FOXP2: variants seen among roughly 807,000 people sequenced by gnomAD.
FOXP2 encodes forkhead box P2.
A neutral mutation model predicts 115.8 loss-of-function variants in FOXP2; 12 were observed. The observed-to-expected ratio is 0.10, with a 90% CI of 0.07 to 0.17. The LOEUF (loss-of-function observed/expected upper bound fraction) is 0.17. FOXP2 is among the 10% of genes least tolerant of loss of function. The pLI, the probability that FOXP2 is intolerant of heterozygous loss-of-function variation, is 1.00. For synonymous variants in FOXP2, 328 were observed against 297.7 expected (o/e 1.10, Z -1.05); for missense variants, 629 against 843.5 (o/e 0.75, Z 3.15).
chr7:114,446,726 T>C (rs1160780534), intron 2 of FOXP2, among the ~76,000 whole-genome samples: 1 of 151,500 alleles, frequency 6.6e-6, no homozygotes, highest in Non-Finnish European at 1.5e-5. Flanking sequence ...ATGTTTTTGG[T>C]TTATCTCTAT....
At chr7:114,675,835 G>T (rs55862713) in intron 16 of FOXP2, among the ~76,000 whole-genome samples, 10,163 of 151,772 alleles carry the variant, frequency 0.067, 367 homozygotes, top group South Asian at 0.096. Flanking sequence ...TTAACACTTA[G>T]GACATAACAG....
At chr7:114,273,960 A>G (rs1432483649) in intron 1 of FOXP2, among the ~76,000 whole-genome samples, 1 of 151,870 alleles carries the variant, frequency 6.6e-6, no homozygotes, top group Non-Finnish European at 1.5e-5. Context: ...TACCATATTT[A>G]TTACAGTTTT....
intron 2 of FOXP2, among the ~76,000 whole-genome samples, chr7:114,468,643 C>G (rs1370285029): frequency 6.6e-6 from 1 of 152,116 alleles, no homozygotes; most frequent in Non-Finnish European, 1.5e-5. Flanking sequence ...AAATCTCAAT[C>G]ATTCCCTCTT....
At chr7:114,371,165 G>C (rs1015377837) in intron 2 of FOXP2, among the ~76,000 whole-genome samples, 19 of 151,984 alleles carry the variant, frequency 1.3e-4, no homozygotes, top group African/African-American at 4.6e-4. Context: ...ACTACAGCCT[G>C]GTCCTCCTGG....
chr7:114,643,844 T>C (rs1197511293), intron 7 of FOXP2, among the ~76,000 whole-genome samples: 1 of 152,206 alleles, frequency 6.6e-6, no homozygotes, highest in Non-Finnish European at 1.5e-5. Context: ...CTGATAGTGT[T>C]CTGTTATGCA....
chr7:114,473,393 A>C (rs1796128303), intron 2 of FOXP2, among the ~76,000 whole-genome samples: 1 of 152,222 alleles, frequency 6.6e-6, no homozygotes, highest in African/African-American at 2.4e-5. Context: ...GCCCCAGAGC[A>C]AACTGTAGAG....
intron 2 of FOXP2, among the ~76,000 whole-genome samples, chr7:114,433,581 G>A (rs529929616): frequency 1.6e-4 from 25 of 151,640 alleles, no homozygotes; most frequent in African/African-American, 2.7e-4. Context: ...TTTATTTATC[G>A]TAGTCTTGGA....
intron 1 of FOXP2, among the ~76,000 whole-genome samples, chr7:114,254,697 A>G (rs1795556690): frequency 6.6e-6 from 1 of 152,124 alleles, no homozygotes; most frequent in Non-Finnish European, 1.5e-5. Context: ...CATTCGTCTA[A>G]TCTTTTTTCA....
chr7:114,104,765 T>G (rs1024192848), intron 1 of FOXP2, among the ~76,000 whole-genome samples: 1 of 151,998 alleles, frequency 6.6e-6, no homozygotes, highest in Non-Finnish European at 1.5e-5. Context: ...CCAAGCTAAA[T>G]ATAGCATTAG....
chr7:114,354,532 T>G (rs1475815856), intron 2 of FOXP2, among the ~76,000 whole-genome samples: 25 of 152,102 alleles, frequency 1.6e-4, no homozygotes, highest in Non-Finnish European at 4.4e-5. Flanking sequence ...AATGAAGAGG[T>G]ACTTTCTCTC....
intron 2 of FOXP2, among the ~76,000 whole-genome samples, chr7:114,378,335 A>T (rs1792192932): frequency 6.6e-6 from 1 of 152,102 alleles, no homozygotes; most frequent in Non-Finnish European, 1.5e-5. Context: ...TCTGCCCTGA[A>T]TTAGGCTTCC....
chr7:114,133,062 T>G (rs1791934227), intron 1 of FOXP2, among the ~76,000 whole-genome samples: 1 of 152,306 alleles, frequency 6.6e-6, no homozygotes, highest in South Asian at 2.1e-4. Context: ...CAGATGAAGA[T>G]AACTTAAACA....
intron 1 of FOXP2, among the ~76,000 whole-genome samples, chr7:114,134,185 G>C (rs1472045760): frequency 1.3e-5 from 2 of 152,130 alleles, no homozygotes; most frequent in Non-Finnish European, 2.9e-5. Context: ...GTAACATTAA[G>C]ATCATTAGTG....
At chr7:114,336,162 A>T (rs1373541371) in intron 2 of FOXP2, among the ~76,000 whole-genome samples, 2 of 151,522 alleles carry the variant, frequency 1.3e-5, no homozygotes, top group Admixed American at 6.6e-5. Context: ...TTTAAATGTG[A>T]TCAGTTTATA....
chr7:114,462,840 C>A (rs1247586668), intron 2 of FOXP2, among the ~76,000 whole-genome samples: 1 of 152,132 alleles, frequency 6.6e-6, no homozygotes, highest in East Asian at 1.9e-4. Context: ...AAGGGCTTTG[C>A]AGTAAATGTC....
At chr7:114,544,509 G>C (rs935513830) in intron 3 of FOXP2, among the ~76,000 whole-genome samples, 7 of 152,180 alleles carry the variant, frequency 4.6e-5, no homozygotes, top group Non-Finnish European at 1.0e-4. Flanking sequence ...CCTTTGCATA[G>C]TATATAAATC....
At chr7:114,228,741 C>T (rs1478782612) in intron 1 of FOXP2, among the ~76,000 whole-genome samples, 1 of 151,018 alleles carries the variant, frequency 6.6e-6, no homozygotes, top group Non-Finnish European at 1.5e-5. Flanking sequence ...GATGAAAATA[C>T]CTATAGAAGG....
intron 3 of FOXP2, among the ~76,000 whole-genome samples, chr7:114,537,932 T>C (rs1799475984): frequency 6.6e-6 from 1 of 151,678 alleles, no homozygotes; most frequent in Non-Finnish European, 1.5e-5. Context: ...TGCTTTACAT[T>C]CTTACTGTGT....
At chr7:114,663,844 G>T (rs1807018024) in intron 15 of FOXP2, among the ~76,000 whole-genome samples, 1 of 152,082 alleles carries the variant, frequency 6.6e-6, no homozygotes, top group Admixed American at 6.6e-5. Context: ...TAGTGTTGGG[G>T]AACATGGTGC....
Sources: gnomAD v4.1 joint callset for allele counts (sites outside exome capture counted in the v4.1 genomes callset) on GRCh38, gnomAD v4.1.1 for gene constraint, MANE v1.5 for transcripts, NCBI Gene and HGNC (gene_info 2026-07-23, HGNC 2026-07-21) for gene names.